Variants in NHS observed in about 807,000 individuals in gnomAD.
The protein encoded by NHS is NHS actin remodeling regulator.
Under a neutral mutation model 72.5 loss-of-function variants are expected in NHS, and 5 were observed. That is an observed-to-expected ratio of 0.07 (90% confidence interval 0.04 to 0.14). The LOEUF (loss-of-function observed/expected upper bound fraction) is 0.14. Among genes scored for constraint, NHS ranks in the 10% least tolerant of loss-of-function variants. NHS has a pLI of 1.00. For missense variants in NHS, 1,072 were observed against 1,355.7 expected (o/e 0.79, Z 3.29); for synonymous variants, 464 against 547.7 (o/e 0.85, Z 2.13).
intron 6 of NHS, 95 bp downstream of exon 6, chrX:17,724,525 T>C (rs888673331): frequency 1.2e-5 from 13 of 1,109,977 alleles, no homozygotes; most frequent in Non-Finnish European, 1.6e-5. Flanking sequence ...TTTTAACTTG[T>C]AGAGGTTTTA....
chrX:17,454,001 A>G (rs2064816398), intron 1 of NHS, among the ~76,000 whole-genome samples: 2 of 112,116 alleles, frequency 1.8e-5, no homozygotes, highest in Admixed American at 1.9e-4. Context: ...TGGTATGTCT[A>G]TGTCTATGAG....
chrX:17,503,484 G>T (rs1223156248), intron 1 of NHS, among the ~76,000 whole-genome samples: 1 of 111,516 alleles, frequency 9.0e-6, no homozygotes, highest in Non-Finnish European at 1.9e-5. Context: ...ATGTGATATA[G>T]ACTACTGCTA....
chrX:17,679,751 A>G (rs2066112436), intron 1 of NHS, among the ~76,000 whole-genome samples: 1 of 110,455 alleles, frequency 9.1e-6, no homozygotes, highest in African/African-American at 3.3e-5. Context: ...AAAACTCAGA[A>G]TGCAAAAGAG....
At chrX:17,522,818 G>A (rs915738630) in intron 1 of NHS, among the ~76,000 whole-genome samples, 1 of 111,391 alleles carries the variant, frequency 9.0e-6, no homozygotes, top group African/African-American at 3.3e-5. Flanking sequence ...TCCTCTCCAA[G>A]TTATTATGTG....
chrX:17,421,251 A>G (rs774943930), intron 1 of NHS, among the ~76,000 whole-genome samples: 14 of 99,947 alleles, frequency 1.4e-4, no homozygotes, highest in South Asian at 4.4e-4. Flanking sequence ...GTGTGCGCGC[A>G]CACACACACA....
intron 1 of NHS, among the ~76,000 whole-genome samples, chrX:17,499,838 T>C (rs2065029371): frequency 8.9e-6 from 1 of 111,824 alleles, no homozygotes; most frequent in South Asian, 3.8e-4. Context: ...ATCTGGAGAA[T>C]AGCTACACAG....
chrX:17,681,346 A>C (rs755182672), intron 1 of NHS, among the ~76,000 whole-genome samples: 20 of 111,984 alleles, frequency 1.8e-4, no homozygotes, highest in African/African-American at 6.5e-4. Context: ...TTGTTACTTA[A>C]TTGGAGCCTG....
At chrX:17,465,249 A>C (rs1411324898) in intron 1 of NHS, among the ~76,000 whole-genome samples, 1 of 111,586 alleles carries the variant, frequency 9.0e-6, no homozygotes, top group Non-Finnish European at 1.9e-5. Context: ...GAGTGCAATG[A>C]TACTGTGGGG....
chrX:17,425,115 C>T (rs59063095), intron 1 of NHS, among the ~76,000 whole-genome samples: 10,766 of 111,566 alleles, frequency 0.096, 1,313 homozygotes, highest in African/African-American at 0.33. Context: ...CAGGTTTGCT[C>T]ATGATTTGTC....
chrX:17,618,834 T>C (rs1209911818), intron 1 of NHS, among the ~76,000 whole-genome samples: 1 of 112,237 alleles, frequency 8.9e-6, no homozygotes, highest in East Asian at 2.8e-4. Flanking sequence ...AACTCACCAA[T>C]TGAAAATTAC....
At chrX:17,625,180 T>C (rs1021325380) in intron 1 of NHS, among the ~76,000 whole-genome samples, 12 of 111,795 alleles carry the variant, frequency 1.1e-4, no homozygotes, top group Non-Finnish European at 1.9e-4. Flanking sequence ...TCTTGTACTT[T>C]TTTTGCAAAT....
chrX:17,457,572 T>A (rs1012213147), intron 1 of NHS, among the ~76,000 whole-genome samples: 1 of 111,571 alleles, frequency 9.0e-6, no homozygotes, highest in Non-Finnish European at 1.9e-5. Flanking sequence ...ACCTCCAACA[T>A]TGGAGATTAA....
intron 1 of NHS, among the ~76,000 whole-genome samples, chrX:17,617,159 G>C (rs2065751447): frequency 8.9e-6 from 1 of 111,734 alleles, no homozygotes; most frequent in African/African-American, 3.3e-5. Flanking sequence ...GAAAGGGCCT[G>C]TGTAATTCCC....
intron 1 of NHS, among the ~76,000 whole-genome samples, chrX:17,558,368 A>G (rs1284265042): frequency 1.8e-5 from 2 of 112,167 alleles, no homozygotes; most frequent in Non-Finnish European, 3.8e-5. Flanking sequence ...AGATTTAGAG[A>G]GATGTCAGTA....
chrX:17,722,031 C>A (rs1200247100), intron 5 of NHS, among the ~76,000 whole-genome samples: 1 of 112,111 alleles, frequency 8.9e-6, no homozygotes, highest in Non-Finnish European at 1.9e-5. Context: ...AATCTGTTTT[C>A]ATGCTTCCTT....
At chrX:17,564,595 C>T (rs770705830) in intron 1 of NHS, among the ~76,000 whole-genome samples, 1 of 112,423 alleles carries the variant, frequency 8.9e-6, no homozygotes, top group African/African-American at 3.2e-5. Flanking sequence ...TGTTCAAATG[C>T]CAACCAGGCT....
intron 1 of NHS, among the ~76,000 whole-genome samples, chrX:17,503,046 TA>T (rs2065042738): frequency 8.9e-6 from 1 of 111,958 alleles, no homozygotes; most frequent in South Asian, 3.7e-4. Flanking sequence ...ACATCCTCTT[TA>T]AAAATGACCT....
intron 1 of NHS, among the ~76,000 whole-genome samples, chrX:17,549,120 A>G (rs1401713547): frequency 1.0e-5 from 1 of 98,634 alleles, no homozygotes; most frequent in Non-Finnish European, 2.0e-5. Context: ...TTTCAAGATG[A>G]GTAGGCCCCT....
intron 8 of NHS, among the ~76,000 whole-genome samples, chrX:17,730,451 G>A (rs1266089495): frequency 1.8e-5 from 2 of 112,318 alleles, no homozygotes; most frequent in Non-Finnish European, 3.8e-5. Context: ...CTAACTTAGT[G>A]GAGTGCCAGA....
Sources: allele counts gnomAD v4.1 joint callset (sites outside exome capture counted in the v4.1 genomes callset), GRCh38; gene constraint gnomAD v4.1.1; transcripts MANE v1.5; gene names NCBI Gene and HGNC (gene_info 2026-07-23, HGNC 2026-07-21).